MCC: variants seen among roughly 807,000 people sequenced by gnomAD.
MCC encodes the protein colorectal mutant cancer protein.
MCC carries 90 observed loss-of-function variants against 116.2 expected under a neutral mutation model. The ratio of observed to expected loss-of-function variants is 0.77; its 90% CI spans 0.65 to 0.92. The LOEUF is 0.92. MCC is among the 40% of genes least tolerant of loss of function. MCC has a pLI of 0.00. For missense variants in MCC, 1,516 were observed against 1,312.2 expected, an observed-to-expected ratio of 1.16 and a Z score of -2.40; for synonymous variants, 578 against 510.5, an observed-to-expected ratio of 1.13 and a Z score of -1.78.
chr5:113,446,874 A>G (rs1771234681), intron 1 of MCC, among the ~76,000 whole-genome samples: 1 of 152,182 alleles, frequency 6.6e-6, no homozygotes, highest in Non-Finnish European at 1.5e-5. Context: ...AACAATATCA[A>G]TCATACCCCA....
At chr5:113,097,047 C>T (rs552343386) in intron 8 of MCC, among the ~76,000 whole-genome samples, 38 of 152,192 alleles carry the variant, frequency 2.5e-4, no homozygotes, top group Non-Finnish European at 4.4e-4. Context: ...TATTGGCATC[C>T]TCTTCCTTAT....
chr5:113,028,832 GTT>G lies in MCC; in HGVS notation c.2879+100_2879+101del, dbSNP rs892047026. On this transcript the variant is annotated intron_variant, in intron 18 of 18. Transcript: ENST00000408903. ...CACTTTCTAGAGTTAGTTCTTAAGA[GTT>G]AGGGAAATGTCCATCCCTGGTGCTG... is the stretch of plus-strand genomic sequence containing the variant. 28 of 1,371,746 alleles carry G rather than the reference GTT, an allele frequency of 2.0e-5. 1 individual carries two copies. The South Asian group carries it at 2.7e-4, about 13-fold the overall frequency. 85.0% of individuals were successfully genotyped at this position (1,371,746 alleles called of 1,614,324 possible).
chr5:113,384,887 T>A, intron 2 of MCC, 81 bp downstream of exon 2: 1 of 1,525,628 alleles, frequency 6.6e-7, no homozygotes, highest in Non-Finnish European at 9.0e-7. Flanking sequence ...GGCCTCATGA[T>A]GGGGAGGCTA....
In MCC at chr5:113,108,639, C is replaced by A. The variant is rs546411220; in HGVS notation, c.1028-4284G>T. On this transcript the variant is annotated intron_variant, in intron 6 of 18. Transcript: ENST00000408903. ...TTGCACTCCAGCCTGGGCAAGAGAG[C>A]GAGACTCCATTTCAAAAAAAAAAAA... is the stretch of plus-strand genomic sequence containing the variant. 5.7e-5 allele frequency among the ~76,000 whole-genome samples: 7 copies of A among 123,500 alleles called. No individual in the cohort carries two copies. In the East Asian group the frequency reaches 1.6e-3, roughly 29 times the overall value. 81.0% of individuals were successfully genotyped at this position (123,500 alleles called of 152,430 possible).
In MCC at chr5:113,043,512, T is replaced by G; in HGVS notation, c.2756+18A>C. 1 of 1,606,634 alleles carries G rather than the reference T, an allele frequency of 6.2e-7. No individual in the cohort carries two copies. Among genetic ancestry groups the G allele is most frequent in the Non-Finnish European group, 8.5e-7 (1 of 1,174,408 alleles). On this transcript the variant is annotated intron_variant, in intron 17 of 18. Coordinates refer to ENST00000408903, the MANE Select transcript of MCC (RefSeq NM_001085377.2). ...TGCCCAGGATAAACACCAGCTGGGG[T>G]GGGGAAAGGGTGCTTACCGACGAAT... is the stretch of plus-strand genomic sequence containing the variant.
chr5:113,162,933 A>G (rs995810513), intron 3 of MCC, among the ~76,000 whole-genome samples: 2 of 152,190 alleles, frequency 1.3e-5, no homozygotes, highest in African/African-American at 4.8e-5. Flanking sequence ...TGATTAAGCA[A>G]TCAGAATGAT....
At chr5:113,330,396 A>C (rs1242758744) in intron 3 of MCC, among the ~76,000 whole-genome samples, 2 of 152,204 alleles carry the variant, frequency 1.3e-5, no homozygotes, top group Non-Finnish European at 2.9e-5. Flanking sequence ...CTCATTCTTA[A>C]TTCATGACTT....
intron 17 of MCC, among the ~76,000 whole-genome samples, chr5:113,041,027 C>A (rs1008465976): frequency 6.6e-6 from 1 of 152,180 alleles, no homozygotes; most frequent in African/African-American, 2.4e-5. Flanking sequence ...ACAGTTAAGT[C>A]ATTAGGATTT....
chr5:113,452,405 G>A (rs1771427703), intron 1 of MCC, among the ~76,000 whole-genome samples: 1 of 152,166 alleles, frequency 6.6e-6, no homozygotes. Flanking sequence ...GAGGTGATGA[G>A]GTCATGAGGG....
At chr5:113,348,400 A>G (rs551568910) in intron 2 of MCC, among the ~76,000 whole-genome samples, 1 of 152,270 alleles carries the variant, frequency 6.6e-6, no homozygotes, top group South Asian at 2.1e-4. Flanking sequence ...CTGGAAATCA[A>G]TAACAAGAGG....
intron 3 of MCC, among the ~76,000 whole-genome samples, chr5:113,195,307 A>T (rs1762343238): frequency 1.3e-5 from 2 of 152,252 alleles, no homozygotes; most frequent in African/African-American, 2.4e-5. Context: ...CTACCAGCAC[A>T]TACAGGCAGA....
intron 6 of MCC, among the ~76,000 whole-genome samples, chr5:113,116,227 A>T (rs534810073): frequency 9.2e-5 from 14 of 152,272 alleles, no homozygotes; most frequent in African/African-American, 2.6e-4. Context: ...TTTCCACGCC[A>T]CCAGGAGGAG....
At chr5:113,180,017 G>A (rs747368516) in intron 3 of MCC, among the ~76,000 whole-genome samples, 1 of 152,144 alleles carries the variant, frequency 6.6e-6, no homozygotes, top group Non-Finnish European at 1.5e-5. Flanking sequence ...ATGCCCTAGA[G>A]ATTTCTATTC....
intron 3 of MCC, among the ~76,000 whole-genome samples, chr5:113,259,677 G>A (rs746742350): frequency 2.6e-5 from 4 of 151,944 alleles, no homozygotes; most frequent in Admixed American, 6.6e-5. Context: ...AGGGTGATTC[G>A]AACTCCTAGA....
chr5:113,261,996 T>A (rs776009402), intron 3 of MCC, among the ~76,000 whole-genome samples: 1 of 152,202 alleles, frequency 6.6e-6, no homozygotes, highest in Non-Finnish European at 1.5e-5. Flanking sequence ...TCTACCCCTC[T>A]GATAATTAAA....
chr5:113,109,771 G>A (rs544610384), intron 6 of MCC, among the ~76,000 whole-genome samples: 1 of 152,274 alleles, frequency 6.6e-6, no homozygotes, highest in African/African-American at 2.4e-5. Context: ...AGGATTTGAA[G>A]TATTGTAATT....
rs527688899 is a variant in MCC at position 113,149,157 on chromosome 5, G to C, written c.741+2152C>G. ...TCAATAAGAATTGCTAATGATGGCTGGCTTTGGGTGGGTATAAATTAGAAA... is the reference window on the plus strand; with the variant it reads ...TCAATAAGAATTGCTAATGATGGCTCGCTTTGGGTGGGTATAAATTAGAAA... On this transcript the variant is annotated intron_variant, in intron 4 of 18. Coordinates refer to ENST00000408903, the MANE Select transcript of MCC (RefSeq NM_001085377.2). Among the ~76,000 whole-genome samples the C allele has an allele frequency of 2.0e-5, 3 of 151,942 alleles. 1 individual carries two copies. Among genetic ancestry groups the C allele is most frequent in the African/African-American group, 7.2e-5 (3 of 41,450 alleles).
chr5:113,026,031 TGAGA>T lies in MCC; in HGVS notation c.*1267_*1270del, dbSNP rs1166876787. The stretch of plus-strand genomic sequence containing the variant: ...TCCTTCAAGTGTATCAGTGTAGAAC[TGAGA>T]GAGAAGAGGTAAAACTGAAAAAGAA... On this transcript the variant is annotated 3_prime_UTR_variant, in exon 19 of 19. Coordinates refer to ENST00000408903, the MANE Select transcript of MCC (RefSeq NM_001085377.2). 1.3e-5 allele frequency: 2 copies of T among 152,234 alleles called. No individual in the cohort carries two copies. The highest frequency in any genetic ancestry group is 2.9e-5 in the Non-Finnish European group (2 of 68,046). 9.4% of individuals were successfully genotyped at this position (152,234 alleles called of 1,614,324 possible). A position where few individuals can be genotyped will look rare whatever the true frequency, so the allele number is the denominator to read the frequency against.
At chr5:113,155,965 A>G (rs893575193) in intron 3 of MCC, among the ~76,000 whole-genome samples, 5 of 152,168 alleles carry the variant, frequency 3.3e-5, no homozygotes, top group Admixed American at 1.3e-4. Context: ...GAGGTATGGG[A>G]AAATCTTTTT....
Sources: allele counts gnomAD v4.1 joint callset (sites outside exome capture counted in the v4.1 genomes callset), GRCh38; gene constraint gnomAD v4.1.1; transcripts MANE v1.5; gene names NCBI Gene and HGNC (gene_info 2026-07-23, HGNC 2026-07-21).